Variants in MARCHF1 observed in about 807,000 individuals in gnomAD.
MARCHF1 encodes the protein E3 ubiquitin-protein ligase MARCHF1.
In MARCHF1, 40 loss-of-function variants were observed where a neutral mutation model predicts 54.2. The ratio of observed to expected loss-of-function variants is 0.74; its 90% CI spans 0.57 to 0.96. The LOEUF is 0.96. Ranked by LOEUF, MARCHF1 falls within the 40% of genes least tolerant of loss-of-function variation. MARCHF1 has a pLI of 0.00. For synonymous variants in MARCHF1, 236 were observed against 236.3 expected, an observed-to-expected ratio of 1.00 and a Z score of 0.01; for missense variants, 586 against 656.5, an observed-to-expected ratio of 0.89 and a Z score of 1.17.
rs138823969 is a variant in MARCHF1 at position 164,157,863 on chromosome 4, T to C, written c.-322-46201A>G. Among the ~76,000 whole-genome samples, 3 of 152,242 alleles carry C rather than the reference T, an allele frequency of 2.0e-5. No homozygotes were observed. The East Asian group carries it at 5.8e-4, about 29-fold the overall frequency. The stretch of plus-strand genomic sequence containing the variant: ...TGGAGTTATGATTACAACATATATT[T>C]TTCTTTTGTGAGGGAGGGATTACAA... On this transcript the variant is annotated intron_variant, in intron 1 of 9. Transcript: ENST00000514618.
intron 3 of MARCHF1, among the ~76,000 whole-genome samples, chr4:163,973,097 A>T (rs1193908637): frequency 6.6e-6 from 1 of 152,238 alleles, no homozygotes; most frequent in Non-Finnish European, 1.5e-5. Context: ...TAACTTCTTC[A>T]AAGACTATCA....
chr4:163,619,542 T>C (rs941794919), intron 5 of MARCHF1, among the ~76,000 whole-genome samples: 1 of 152,082 alleles, frequency 6.6e-6, no homozygotes. Flanking sequence ...ATTAACAGAA[T>C]ATGCACGTGG....
At chr4:163,664,248 AT>A (rs201935320) in intron 5 of MARCHF1, among the ~76,000 whole-genome samples, 2,828 of 152,166 alleles carry the variant, frequency 0.019, 84 homozygotes, top group African/African-American at 0.062. Context: ...ATATATAATG[AT>A]TTTGCTGAGA....
rs967754687 is a variant in MARCHF1 at position 164,172,683 on chromosome 4, A to AATTT, written c.-322-61022_-322-61021insAAAT. On this transcript the variant is annotated intron_variant, in intron 1 of 9. Coordinates refer to ENST00000514618, the MANE Select transcript of MARCHF1 (RefSeq NM_001394959.1). ...AGATTATTATAAAAGGACACTTTAA[A>AATTT]AAAGTCACTACAGGCTGGGCGCGGT... is the stretch of plus-strand genomic sequence containing the variant. Among the ~76,000 whole-genome samples the AATTT allele has an allele frequency of 6.6e-4, 100 of 152,350 alleles. 2 individuals carry two copies. The highest frequency in any genetic ancestry group is 2.3e-3 in the African/African-American group (95 of 41,592).
At chr4:163,894,851 T>C (rs62653443) in intron 3 of MARCHF1, among the ~76,000 whole-genome samples, 3,447 of 29,844 alleles carry the variant, frequency 0.12, 713 homozygotes, top group East Asian at 0.41. Context: ...TGCATATATA[T>C]ATGCATGTGA....
intron 1 of MARCHF1, among the ~76,000 whole-genome samples, chr4:164,150,708 C>A (rs1456386049): frequency 6.6e-6 from 1 of 152,098 alleles, no homozygotes; most frequent in East Asian, 1.9e-4. Flanking sequence ...TAGAATAGTT[C>A]ATTTCTTGAA....
chr4:164,159,216 G>A (rs1048555637), intron 1 of MARCHF1, among the ~76,000 whole-genome samples: 7 of 152,122 alleles, frequency 4.6e-5, no homozygotes, highest in Non-Finnish European at 7.4e-5. Context: ...ATGCTAAAAC[G>A]TGCTAACTTG....
At chr4:163,847,135 G>A (rs182812040) in intron 4 of MARCHF1, among the ~76,000 whole-genome samples, 1 of 152,264 alleles carries the variant, frequency 6.6e-6, no homozygotes, top group African/African-American at 2.4e-5. Flanking sequence ...CAAATAAGGT[G>A]ATAATGATAA....
At chr4:164,052,204 G>C (rs528384243) in intron 2 of MARCHF1, among the ~76,000 whole-genome samples, 3 of 151,420 alleles carry the variant, frequency 2.0e-5, no homozygotes, top group East Asian at 3.9e-4. Flanking sequence ...GGAAGTTAGA[G>C]ATTATGCCTC....
At chr4:164,066,650 A>C (rs550461696) in intron 2 of MARCHF1, among the ~76,000 whole-genome samples, 1 of 152,358 alleles carries the variant, frequency 6.6e-6, no homozygotes, top group South Asian at 2.1e-4. Context: ...GGATAAAGAA[A>C]ATGTGGTACA....
chr4:164,265,063 C>T (rs1185918557), intron 1 of MARCHF1, among the ~76,000 whole-genome samples: 1 of 151,964 alleles, frequency 6.6e-6, no homozygotes, highest in Non-Finnish European at 1.5e-5. Flanking sequence ...TTGATTCATA[C>T]TCTATATGTT....
At chr4:163,590,218 AT>A (rs910133804) in intron 7 of MARCHF1, among the ~76,000 whole-genome samples, 1 of 141,432 alleles carries the variant, frequency 7.1e-6, no homozygotes, top group Non-Finnish European at 1.5e-5. Context: ...GTAGAATCAT[AT>A]TTTTTTCTTC....
chr4:163,622,358 A>G (rs1741720896), intron 5 of MARCHF1, among the ~76,000 whole-genome samples: 1 of 152,098 alleles, frequency 6.6e-6, no homozygotes. Context: ...CTGCTCCAGT[A>G]TATCAGGAAA....
intron 3 of MARCHF1, among the ~76,000 whole-genome samples, chr4:163,984,086 A>G (rs1440277722): frequency 2.0e-5 from 3 of 152,058 alleles, no homozygotes; most frequent in African/African-American, 7.2e-5. Context: ...TATTTTTTCC[A>G]GGTTACTGGA....
intron 8 of MARCHF1, among the ~76,000 whole-genome samples, chr4:163,567,845 G>C (rs935904105): frequency 6.6e-6 from 1 of 151,560 alleles, no homozygotes; most frequent in African/African-American, 2.4e-5. Flanking sequence ...TATTTTTTGA[G>C]ACGTATGCCA....
chr4:164,346,604 G>GTATATA (rs56936775), intron 1 of MARCHF1, among the ~76,000 whole-genome samples: 3 of 42,598 alleles, frequency 7.0e-5, no homozygotes, highest in Non-Finnish European at 1.1e-4. Flanking sequence ...ATGTATGTAT[G>GTATATA]TATATATATA....
chr4:163,843,797 T>C (rs188479586), intron 4 of MARCHF1, among the ~76,000 whole-genome samples: 1 of 151,996 alleles, frequency 6.6e-6, no homozygotes, highest in Non-Finnish European at 1.5e-5. Context: ...ATTTTTTTTT[T>C]AACTTTTTAA....
chr4:164,052,587 T>C lies in MARCHF1; in HGVS notation c.-248+59001A>G, dbSNP rs563453008. Among the ~76,000 whole-genome samples the C allele has an allele frequency of 4.3e-4, 66 of 152,216 alleles. 1 individual carries two copies. Among genetic ancestry groups the C allele is most frequent in the African/African-American group, 1.5e-3 (61 of 41,530 alleles). On this transcript the variant is annotated intron_variant, in intron 2 of 9. Transcript: ENST00000514618. ...AAACATAGTTTTGTTAGAAGTGCGC[T>C]ATAAAACTAAGGATTTTCTAAGCTC...
intron 4 of MARCHF1, among the ~76,000 whole-genome samples, chr4:163,722,504 C>A (rs1448127556): frequency 7.2e-5 from 11 of 152,156 alleles, no homozygotes; most frequent in Admixed American, 7.2e-4. Flanking sequence ...AATGTATATT[C>A]TGTTGATTTG....
Sources: allele counts gnomAD v4.1 joint callset (sites outside exome capture counted in the v4.1 genomes callset), GRCh38; gene constraint gnomAD v4.1.1; transcripts MANE v1.5; gene names NCBI Gene and HGNC (gene_info 2026-07-23, HGNC 2026-07-21).